SNAI3: variants seen among roughly 807,000 people sequenced by gnomAD.
SNAI3 encodes the protein zinc finger protein SNAI3.
Under a neutral mutation model 16.4 loss-of-function variants are expected in SNAI3, and 21 were observed. That is an observed-to-expected ratio of 1.28 (90% CI 0.91 to 1.85). The LOEUF is 1.85. Ranked by LOEUF, SNAI3 falls within the 40% of genes most tolerant of loss-of-function variation. The probability of loss-of-function intolerance (pLI) is 0.00; values close to 1 mark genes in which losing one functional copy is unlikely to be tolerated. For synonymous variants in SNAI3, 202 were observed against 166.6 expected, an observed-to-expected ratio of 1.21 and a Z score of -1.64; for missense variants, 457 against 372.8, an observed-to-expected ratio of 1.23 and a Z score of -1.86.
At chr16:88,684,783 AC>A (rs1258357102) in intron 1 of SNAI3, among the ~76,000 whole-genome samples, 9 of 152,274 alleles carry the variant, frequency 5.9e-5, no homozygotes, top group Admixed American at 1.3e-4. Context: ...GAGCCGCCAC[AC>A]CCAGCTGAAG....
In SNAI3 at chr16:88,683,442, G is replaced by A. The variant is rs534837401; in HGVS notation, c.77-1728C>T. ...GGCTTATTTTTGTATTCTTAGTAGAGACAGGGTTTTACCATGTTGGCCAGG... is the reference window on the plus strand; with the variant it reads ...GGCTTATTTTTGTATTCTTAGTAGAAACAGGGTTTTACCATGTTGGCCAGG... On this transcript the variant is annotated intron_variant, in intron 1 of 2. Coordinates refer to ENST00000332281, the MANE Select transcript of SNAI3 (RefSeq NM_178310.4). Among the ~76,000 whole-genome samples, 7 of 151,934 alleles carry A rather than the reference G, an allele frequency of 4.6e-5. No individual in the cohort carries two copies. The East Asian group carries it at 1.4e-3, about 29-fold the overall frequency.
chr16:88,683,251 C>T (rs1909242457), intron 1 of SNAI3, among the ~76,000 whole-genome samples: 1 of 151,728 alleles, frequency 6.6e-6, no homozygotes, highest in Admixed American at 6.6e-5. Flanking sequence ...CGCCACCATG[C>T]CTGGCTAATT....
In SNAI3 at chr16:88,678,458, G is replaced by A. The variant is rs140544711; in HGVS notation, c.869C>T (p.Pro290Leu). Residue 290 changes from proline to leucine, a missense_variant, in exon 3 of 3, where the codon CCG (proline) becomes CTG (leucine). Physicochemically the swap from Pro to Leu is moderately conservative, Grantham distance 98 (BLOSUM62 -3). Coordinates refer to ENST00000332281, the MANE Select transcript of SNAI3 (RefSeq NM_178310.4). ...LARHEESGCCPGP is the reference protein window; with the variant it reads ...LARHEESGCCLGP The stretch of plus-strand genomic sequence containing the variant: ...CCGACCACGTGCCTCTCAGGGGCCC[G>A]GGCAGCAGCCAGACTCCTCATGCCG... 4.9e-5 allele frequency: 38 copies of A among 771,424 alleles called. No homozygotes were observed. The highest frequency in any genetic ancestry group is 2.4e-4 in the African/African-American group (14 of 59,126). 47.8% of individuals were successfully genotyped at this position (771,424 alleles called of 1,614,324 possible).
At position 88,678,550 on chromosome 16, in the gene SNAI3, G is replaced by A. The variant is rs756812585; in HGVS notation, c.777C>T (p.His259=). 2 of 815,822 alleles carry A rather than the reference G, an allele frequency of 2.5e-6. No homozygotes were observed. Among genetic ancestry groups the A allele is most frequent in the Non-Finnish European group, 4.4e-6 (2 of 451,678 alleles). 50.5% of individuals were successfully genotyped at this position (815,822 alleles called of 1,614,324 possible). A position where few individuals can be genotyped will look rare whatever the true frequency, so the allele number is the denominator to read the frequency against. The change falls in exon 3 of 3, where the codon CAC becomes CAT. Residue 259 remains histidine, a synonymous_variant. Transcript: ENST00000332281. The part of the protein sequence containing the change: ...RSNLRAHLQT[H]SDAKKYRCRR... ...GGCACCGGTACTTCTTGGCGTCTGAGTGCGTTTGCAGATGGGCCCGAAGGT... is the reference window on the plus strand; with the variant it reads ...GGCACCGGTACTTCTTGGCGTCTGAATGCGTTTGCAGATGGGCCCGAAGGT...
chr16:88,680,598 T>G (rs1909133070), intron 2 of SNAI3, among the ~76,000 whole-genome samples: 1 of 151,700 alleles, frequency 6.6e-6, no homozygotes, highest in African/African-American at 2.4e-5. Flanking sequence ...TTTTTTGTTT[T>G]GTTTTGTTTT....
At chr16:88,680,742 GCACGTGCCACCA>G (rs975145041) in intron 2 of SNAI3, among the ~76,000 whole-genome samples, 8 of 152,070 alleles carry the variant, frequency 5.3e-5, no homozygotes, top group Admixed American at 4.6e-4. Flanking sequence ...GGGCCTACCA[GCACGTGCCACCA>G]CACTCAGCTG....
intron 1 of SNAI3, 31 bp downstream of exon 1, chr16:88,686,300 G>C: frequency 6.2e-7 from 1 of 1,606,920 alleles, no homozygotes; most frequent in Non-Finnish European, 8.5e-7. Context: ...GTCGAGTCCC[G>C]GCAGGGGCTC....
Position 88,678,149 on chromosome 16 carries a change from T to C in SNAI3, c.*299A>G. On this transcript the variant is annotated 3_prime_UTR_variant, in exon 3 of 3. Transcript: ENST00000332281. ...CCCGAGGCTCTGACTCTTGGAAGGGTAGCCCCGGAGACCTGGCCGTGTCGA... is the reference window on the plus strand; with the variant it reads ...CCCGAGGCTCTGACTCTTGGAAGGGCAGCCCCGGAGACCTGGCCGTGTCGA... 3.0e-6 allele frequency: 1 copy of C among 334,426 alleles called. No individual in the cohort carries two copies. 20.7% of individuals were successfully genotyped at this position (334,426 alleles called of 1,614,324 possible). A position where few individuals can be genotyped will look rare whatever the true frequency, so the allele number is the denominator to read the frequency against.
chr16:88,686,006 C>G, intron 1 of SNAI3: 1 of 207,500 alleles, frequency 4.8e-6, no homozygotes, highest in Non-Finnish European at 9.8e-6. Flanking sequence ...GTGCCTTTAG[C>G]TGGGGCTGTA....
intron 1 of SNAI3, among the ~76,000 whole-genome samples, chr16:88,684,865 G>A (rs990331317): frequency 3.3e-5 from 5 of 152,220 alleles, no homozygotes; most frequent in Non-Finnish European, 7.4e-5. Flanking sequence ...TTTAAAAGGA[G>A]AGATTGAGGG....
Position 88,678,569 on chromosome 16 carries a change from C to G in SNAI3, c.758G>C (p.Arg253Pro). 1 of 898,060 alleles carries G rather than the reference C, an allele frequency of 1.1e-6. No individual in the cohort carries two copies. Among genetic ancestry groups the G allele is most frequent in the Non-Finnish European group, 1.9e-6 (1 of 527,218 alleles). 55.6% of individuals were successfully genotyped at this position (898,060 alleles called of 1,614,324 possible). ...GTCTGAGTGCGTTTGCAGATGGGCC[C>G]GAAGGTTGGAGCGGTCGGCAAAGGC... ...SRAFADRSNLRAHLQTHSDAK... is the reference protein window; with the variant it reads ...SRAFADRSNLPAHLQTHSDAK... The change falls in exon 3 of 3, where the codon CGG becomes CCG. Residue 253 changes from arginine to proline, a missense_variant. By Grantham distance (103) the Arg-to-Pro change is moderately radical. Transcript: ENST00000332281.
At chr16:88,683,188 G>A (rs1909239946) in intron 1 of SNAI3, among the ~76,000 whole-genome samples, 1 of 150,356 alleles carries the variant, frequency 6.7e-6, no homozygotes, top group Non-Finnish European at 1.5e-5. Flanking sequence ...CACCTCCCAG[G>A]TCCAAATGAT....
Position 88,681,040 on chromosome 16 carries a change from C to G in SNAI3, c.697+54G>C. The G allele has an allele frequency of 1.9e-6, 3 of 1,571,212 alleles. No individual in the cohort carries two copies. Among genetic ancestry groups the G allele is most frequent in the Non-Finnish European group, 2.6e-6 (3 of 1,152,888 alleles). ...CCTCCTCCTTTTCTAACTCCCGCAG[C>G]CCACCCTCTTCCCCCAGCCCAGACC... On this transcript the variant is annotated intron_variant, in intron 2 of 2. Coordinates refer to ENST00000332281, the MANE Select transcript of SNAI3 (RefSeq NM_178310.4). This position sits in a 1 kb window ranked among gnomAD's most constrained non-coding sequence, Gnocchi z 5.4.
Position 88,678,996 on chromosome 16 carries a change from C to T in SNAI3, c.698-367G>A, listed in dbSNP as rs1420673199. ...CCAGGGCAGGGGCAGAGCTGTGGAC[C>T]TTGAGGAGGCAGAATTTAGGAACCA... On this transcript the variant is annotated intron_variant, in intron 2 of 2. Transcript: ENST00000332281. 4 of 985,312 alleles carry T rather than the reference C, an allele frequency of 4.1e-6. No individual in the cohort carries two copies. The East Asian group carries it at 3.4e-4, about 84-fold the overall frequency. 61.0% of individuals were successfully genotyped at this position (985,312 alleles called of 1,614,324 possible).
At chr16:88,686,146 T>A (rs1281454481) in intron 1 of SNAI3, 185 bp downstream of exon 1, 1 of 699,018 alleles carries the variant, frequency 1.4e-6, no homozygotes, top group Non-Finnish European at 2.3e-6. Context: ...CTCAGTGCCC[T>A]GAAGTGGAGG....
Position 88,681,512 on chromosome 16 carries a change from G to A in SNAI3, c.279C>T (p.Val93=), listed in dbSNP as rs774539195. The change falls in exon 2 of 3, where the codon GTC becomes GTT. Residue 93 remains valine (V), a synonymous_variant. Coordinates refer to ENST00000332281, the MANE Select transcript of SNAI3 (RefSeq NM_178310.4). The surrounding 1 kb of genome is among the most constrained non-coding windows in gnomAD (Gnocchi z 5.4). ...TGGCGGCCCGGCTGGCCCGAGGGTC[G>A]ACCTCGCTGACTTCCAAGGCGTCCA... The part of the protein sequence containing the change: ...SGLDALEVSE[V]DPRASRAAIV... 2.3e-5 allele frequency: 35 copies of A among 1,538,430 alleles called. No individual in the cohort carries two copies. The highest frequency in any genetic ancestry group is 1.8e-5 in the Non-Finnish European group (20 of 1,138,012).
chr16:88,682,513 C>T (rs1196179565), intron 1 of SNAI3, among the ~76,000 whole-genome samples: 2 of 152,222 alleles, frequency 1.3e-5, no homozygotes, highest in Non-Finnish European at 2.9e-5. Flanking sequence ...TCTGTATGTC[C>T]CCAAAGCCAA....
At chr16:88,685,186 T>C (rs919952971) in intron 1 of SNAI3, 25 of 152,268 alleles carry the variant, frequency 1.6e-4, no homozygotes, top group Admixed American at 1.6e-3. Context: ...CAGAAGCCAG[T>C]GTCCTTCACC....
At chr16:88,684,194 C>T (rs987587405) in intron 1 of SNAI3, among the ~76,000 whole-genome samples, 1 of 152,230 alleles carries the variant, frequency 6.6e-6, no homozygotes, top group African/African-American at 2.4e-5. Flanking sequence ...GGGGAGACAG[C>T]ACTGGGGGAG....
Sources: gnomAD v4.1 joint callset for allele counts (sites outside exome capture counted in the v4.1 genomes callset) on GRCh38, gnomAD v4.1.1 for gene constraint, Gnocchi (gnomAD v3.1) non-coding constraint, MANE v1.5 for transcripts, NCBI Gene and HGNC (gene_info 2026-07-23, HGNC 2026-07-21) for gene names.